TTC34: variants seen among roughly 807,000 people sequenced by gnomAD.
The protein encoded by TTC34 is tetratricopeptide repeat protein 34.
TTC34 carries 44 observed loss-of-function variants against 40.7 expected under a neutral mutation model. The observed-to-expected ratio is 1.08, with a 90% CI of 0.85 to 1.39. The LOEUF (loss-of-function observed/expected upper bound fraction) is 1.39, where lower values mean the gene tolerates loss of function less well. Ranked by LOEUF, TTC34 falls within the 40% of genes most tolerant of loss-of-function variation. The pLI is 0.00. For missense variants in TTC34, 884 were observed against 838.0 expected (o/e 1.05, Z -0.68); for synonymous variants, 422 against 398.6 (o/e 1.06, Z -0.70).
chr1:2,787,383 G>T (rs1643604172), intron 4 of TTC34, 98 bp downstream of exon 4: 2 of 1,165,030 alleles, frequency 1.7e-6, no homozygotes, highest in African/African-American at 3.1e-5. Flanking sequence ...CCAAAGCCCA[G>T]ACTGTGGGGT....
chr1:2,654,170 C>A (rs1374854619), intron 6 of TTC34, among the ~76,000 whole-genome samples: 58 of 150,612 alleles, frequency 3.9e-4, no homozygotes, highest in African/African-American at 1.4e-3. Context: ...GCACCCACAC[C>A]CCCAGGCGAG....
At chr1:2,685,158 A>T (rs375089293) in intron 6 of TTC34, among the ~76,000 whole-genome samples, 110 of 16,584 alleles carry the variant, frequency 6.6e-3, no homozygotes, top group African/African-American at 0.015. Flanking sequence ...AGCACCCACA[A>T]CCCCACGTGA....
At chr1:2,675,526 C>T (rs878982704) in intron 6 of TTC34, among the ~76,000 whole-genome samples, 6 of 127,930 alleles carry the variant, frequency 4.7e-5, no homozygotes. Context: ...CCTGCACCCC[C>T]AGGTGCGCAC....
At position 2,641,766 on chromosome 1, in the gene TTC34, CCAGG is replaced by C; in HGVS notation, c.2838_2841del (p.Cys946TrpfsTer42). 6.5e-7 allele frequency: 1 copy of C among 1,535,284 alleles called. No homozygotes were observed. The highest frequency in any genetic ancestry group is 1.4e-5 in the African/African-American group (1 of 73,166). The stretch of plus-strand genomic sequence containing the variant: ...GCCCGGCCAAACTCCTGCAACTCGG[CCAGG>C]CAGGTGGCCCGCAGACGCAGGTGAC... On this transcript the variant is annotated frameshift_variant, in exon 9 of 9. Coordinates refer to ENST00000401095, the Ensembl canonical transcript of TTC34. LOFTEE classifies it low-confidence loss of function (END_TRUNC).
chr1:2,779,116 T>G (rs1450958653), intron 6 of TTC34, among the ~76,000 whole-genome samples: 1 of 152,226 alleles, frequency 6.6e-6, no homozygotes, highest in African/African-American at 2.4e-5. Flanking sequence ...TTTTTAATGT[T>G]GAATAATTCC....
intron 6 of TTC34, among the ~76,000 whole-genome samples, chr1:2,767,605 C>G (rs1479900865): frequency 8.4e-6 from 1 of 119,446 alleles, no homozygotes; most frequent in South Asian, 3.6e-4. Context: ...CATCCACACC[C>G]CCAGGCGAGC....
rs1643528173 is a variant in TTC34 at position 2,783,776 on chromosome 1, C to T, written c.2060-1G>A. Reference sequence around the variant, plus strand: ...AGGAGGGACTCACTTGCCTGGCTTCCTGCAGGAAGACGGCATGGGGTCAGG... The same window carrying T: ...AGGAGGGACTCACTTGCCTGGCTTCTTGCAGGAAGACGGCATGGGGTCAGG... On this transcript the variant is annotated splice_acceptor_variant, in intron 5 of 8. Transcript: ENST00000401095. LOFTEE classifies it high-confidence loss of function. 1 of 1,497,828 alleles carries T rather than the reference C, an allele frequency of 6.7e-7. No homozygotes were observed. 92.8% of individuals were successfully genotyped at this position (1,497,828 alleles called of 1,614,324 possible).
intron 6 of TTC34, among the ~76,000 whole-genome samples, chr1:2,694,948 A>G (rs1036137202): frequency 1.8e-5 from 2 of 112,224 alleles, no homozygotes; most frequent in East Asian, 2.4e-4. Context: ...AGCAGCACCC[A>G]CACCCCCAGG....
Position 2,749,377 on chromosome 1 carries a change from C to T in TTC34, c.2226+34232G>A, listed in dbSNP as rs1459570871. Reference sequence around the variant, plus strand: ...AGCACCCACATGCCCAGGTGAGACCCTGACAGCCTGGAACAGCACCCTGCA... The same window carrying T: ...AGCACCCACATGCCCAGGTGAGACCTTGACAGCCTGGAACAGCACCCTGCA... On this transcript the variant is annotated intron_variant, in intron 6 of 8. Coordinates refer to ENST00000401095, the Ensembl canonical transcript of TTC34. 2.0e-5 allele frequency among the ~76,000 whole-genome samples: 2 copies of T among 100,142 alleles called. 1 individual carries two copies. The allele number at this position is 100,142 out of a possible 152,430, so 65.7% of individuals were successfully genotyped here. A position where few individuals can be genotyped will look rare whatever the true frequency, so the allele number is the denominator to read the frequency against.
rs187216796 is a variant in TTC34, at chr1:2,644,359, C to A, written c.2617G>T (p.Ala873Ser). 4.5e-5 allele frequency: 69 copies of A among 1,535,946 alleles called. No individual in the cohort carries two copies. The African/African-American group carries it at 8.7e-4, about 19-fold the overall frequency. ...TCGGCCAGGCTCTGCAGGTCCCTTG[C>A]AGCCCCTGGCACGTCTCCCTTCTTG... The change falls in exon 8 of 9, where the codon GCA becomes TCA. Residue 873 changes from alanine (A) to serine (S), a missense_variant. By Grantham distance (99) the Ala-to-Ser change is moderately conservative (BLOSUM62 1). Transcript: ENST00000401095.
intron 6 of TTC34, among the ~76,000 whole-genome samples, chr1:2,676,949 C>A (rs1483432698): frequency 6.8e-6 from 1 of 147,080 alleles, no homozygotes; most frequent in Admixed American, 6.7e-5. Context: ...CATCTGACAG[C>A]ATGGAACAGC....
intron 6 of TTC34, among the ~76,000 whole-genome samples, chr1:2,653,195 C>A (rs878858268): frequency 6.6e-6 from 1 of 151,976 alleles, no homozygotes; most frequent in East Asian, 1.9e-4. Flanking sequence ...CAGCCTGGAA[C>A]AGAACCCACA....
chr1:2,788,164 A>G (rs1252707957), intron 3 of TTC34, among the ~76,000 whole-genome samples: 2 of 152,262 alleles, frequency 1.3e-5, no homozygotes, highest in East Asian at 3.8e-4. Flanking sequence ...TTTCCAGAGA[A>G]CAAATATAAA....
At chr1:2,757,065 AC>A (rs1641531388) in intron 6 of TTC34, among the ~76,000 whole-genome samples, 103 of 118,928 alleles carry the variant, frequency 8.7e-4, no homozygotes, top group African/African-American at 3.4e-3. Context: ...CAGGACCCAC[AC>A]CCCCAGGCGA....
chr1:2,767,469 A>C (rs1641803451), intron 6 of TTC34, among the ~76,000 whole-genome samples: 1 of 148,326 alleles, frequency 6.7e-6, no homozygotes, highest in African/African-American at 2.5e-5. Context: ...ACAGCCTGGA[A>C]CAGAATTCTC....
chr1:2,796,896 C>G lies in TTC34; in HGVS notation c.784+3148G>C, dbSNP rs975749610. On this transcript the variant is annotated intron_variant, in intron 2 of 8. Coordinates refer to ENST00000401095, the Ensembl canonical transcript of TTC34. The surrounding 1 kb of genome is among the most constrained non-coding windows in gnomAD (Gnocchi z 4.5). ...TGCCCCACCCTCTCGTTGGGGTCAC[C>G]AAGAACCTCGGCACCACACGCCCAA... Among the ~76,000 whole-genome samples the G allele has an allele frequency of 1.5e-4, 23 of 152,208 alleles. No homozygotes were observed. The highest frequency in any genetic ancestry group is 5.5e-4 in the African/African-American group (23 of 41,460).
At chr1:2,750,265 C>T (rs1382558352) in intron 6 of TTC34, among the ~76,000 whole-genome samples, 4 of 118,524 alleles carry the variant, frequency 3.4e-5, no homozygotes, top group Admixed American at 1.7e-4. Flanking sequence ...CATCTGACAG[C>T]CTGGAAAAGA....
At chr1:2,686,734 C>G (rs1420863630) in intron 6 of TTC34, among the ~76,000 whole-genome samples, 3 of 124,768 alleles carry the variant, frequency 2.4e-5, no homozygotes, top group Non-Finnish European at 5.0e-5. Flanking sequence ...CCCAGGCGAG[C>G]ATCTGACAGC....
chr1:2,785,099 C>T (rs1177194819), intron 5 of TTC34, among the ~76,000 whole-genome samples: 1 of 152,196 alleles, frequency 6.6e-6, no homozygotes, highest in East Asian at 1.9e-4. Context: ...TGAATCCCCA[C>T]TTCCACCCGA....
Sources: gnomAD v4.1 joint callset for allele counts (sites outside exome capture counted in the v4.1 genomes callset) on GRCh38, gnomAD v4.1.1 for gene constraint, Gnocchi (gnomAD v3.1) non-coding constraint, MANE v1.5 for transcripts, NCBI Gene and HGNC (gene_info 2026-07-23, HGNC 2026-07-21) for gene names.